The following DIP2C variants were observed in gnomAD, a reference collection of about 807,000 sequenced individuals.
DIP2C encodes DIP2 acetate--CoA ligase C (putative), also known as disco-interacting protein 2 homolog C.
A neutral mutation model predicts 192.4 loss-of-function variants in DIP2C; 33 were observed. The ratio of observed to expected loss-of-function variants is 0.17; its 90% CI spans 0.13 to 0.23. DIP2C has a LOEUF of 0.23. Among genes scored for constraint, DIP2C ranks in the 10% least tolerant of loss-of-function variants. The pLI is 1.00. For synonymous variants in DIP2C, 979 were observed against 864.1 expected, an observed-to-expected ratio of 1.13 and a Z score of -2.33; for missense variants, 1,537 against 2,110.1, an observed-to-expected ratio of 0.73 and a Z score of 5.32.
chr10:401,757 C>T (rs779398036), intron 9 of DIP2C, among the ~76,000 whole-genome samples: 454 of 75,030 alleles, frequency 6.1e-3, no homozygotes, highest in Middle Eastern at 0.052. Flanking sequence ...ACACGTGTGG[C>T]AGCATTAGCA....
At chr10:503,968 A>G (rs1331944954) in intron 1 of DIP2C, among the ~76,000 whole-genome samples, 1 of 152,234 alleles carries the variant, frequency 6.6e-6, no homozygotes, top group Non-Finnish European at 1.5e-5. Flanking sequence ...CTCAGAAATT[A>G]AATTCCAGAT....
intron 26 of DIP2C, among the ~76,000 whole-genome samples, chr10:347,431 A>C (rs1958540723): frequency 6.8e-6 from 1 of 147,614 alleles, no homozygotes; most frequent in African/African-American, 2.5e-5. Flanking sequence ...TTCTCCCGGA[A>C]ACGTCACACG....
At chr10:587,432 G>A (rs923751338) in intron 1 of DIP2C, among the ~76,000 whole-genome samples, 1 of 152,200 alleles carries the variant, frequency 6.6e-6, no homozygotes, top group Non-Finnish European at 1.5e-5. Flanking sequence ...CACGTGGGAG[G>A]CCACACTGCC....
chr10:305,199 C>T (rs1956256468), intron 32 of DIP2C, among the ~76,000 whole-genome samples: 1 of 152,066 alleles, frequency 6.6e-6, no homozygotes, highest in South Asian at 2.1e-4. Flanking sequence ...TACTTGTACC[C>T]ACATCACACT....
chr10:501,262 T>G (rs1845202554), intron 1 of DIP2C, among the ~76,000 whole-genome samples: 1 of 152,210 alleles, frequency 6.6e-6, no homozygotes, highest in Non-Finnish European at 1.5e-5. Flanking sequence ...CACTTTAGTT[T>G]GTGGAAACAT....
rs764859549 is a variant in DIP2C, at chr10:283,279, T to G, written c.4287A>C (p.Ala1429=). 4 of 1,613,816 alleles carry G rather than the reference T, an allele frequency of 2.5e-6. No homozygotes were observed. The East Asian group carries it at 8.9e-5, about 36-fold the overall frequency. The stretch of plus-strand genomic sequence containing the variant: ...GCCAGCCTGGACTCTCACCTCCATT[T>G]GCATCTGTGAGCTCAGTTCTCCGCA... ...GFLRRTELTD[A]NGERHDALYV... is the part of the protein sequence containing the mutation. Residue 1429 remains alanine, a synonymous_variant, in exon 35 of 37, where the codon GCA becomes GCC. Coordinates refer to ENST00000280886, the MANE Select transcript of DIP2C (RefSeq NM_014974.3).
chr10:315,841 CCACTG>C (rs995789979), intron 31 of DIP2C, among the ~76,000 whole-genome samples: 14 of 152,248 alleles, frequency 9.2e-5, no homozygotes, highest in African/African-American at 3.4e-4. Context: ...ACACTCTGTT[CCACTG>C]TATTTTCATG....
intron 1 of DIP2C, among the ~76,000 whole-genome samples, chr10:538,456 C>T (rs534262935): frequency 6.6e-6 from 1 of 152,292 alleles, no homozygotes; most frequent in East Asian, 1.9e-4. Context: ...GCCATTGTGC[C>T]CAGTCTCCTG....
At chr10:470,438 C>G (rs1970538209) in intron 3 of DIP2C, among the ~76,000 whole-genome samples, 1 of 152,196 alleles carries the variant, frequency 6.6e-6, no homozygotes, top group South Asian at 2.1e-4. Context: ...GTGCCTCTCT[C>G]TTCCACACCT....
chr10:655,531 C>T (rs948810631), intron 1 of DIP2C, among the ~76,000 whole-genome samples: 2 of 152,086 alleles, frequency 1.3e-5, no homozygotes, highest in African/African-American at 2.4e-5. Context: ...CTGTGCTATG[C>T]GACTCTGCTA....
intron 31 of DIP2C, among the ~76,000 whole-genome samples, chr10:314,699 C>T (rs1956702851): frequency 6.6e-6 from 1 of 152,220 alleles, no homozygotes; most frequent in Non-Finnish European, 1.5e-5. Context: ...TAGGTAACGG[C>T]TACTCACAGC....
intron 1 of DIP2C, among the ~76,000 whole-genome samples, chr10:659,062 T>C (rs374403424): frequency 2.6e-5 from 4 of 152,086 alleles, no homozygotes; most frequent in East Asian, 3.9e-4. Flanking sequence ...ATGTAACACA[T>C]ACATGCACAT....
chr10:483,882 T>C lies in DIP2C; in HGVS notation c.157+2577A>G, dbSNP rs1335482764. ...CCCAGGCTGGAACACAGTGCCACAA[T>C]CATAGCTCACTGCAGCCTTGACTTC... is the stretch of plus-strand genomic sequence containing the variant. On this transcript the variant is annotated intron_variant, in intron 2 of 36. Coordinates refer to ENST00000280886, the MANE Select transcript of DIP2C (RefSeq NM_014974.3). Among the ~76,000 whole-genome samples the C allele has an allele frequency of 2.6e-5, 4 of 152,072 alleles. No individual in the cohort carries two copies. The East Asian group carries it at 5.8e-4, about 22-fold the overall frequency.
Position 315,137 on chromosome 10 carries a change from T to C in DIP2C, c.3925-5045A>G, listed in dbSNP as rs78453745. Reference sequence around the variant, plus strand: ...TTATGTGCTATGAAAATGAAGATTCTTGCAGCAGTGCATTTCCGGGGCCCA... The same window carrying C: ...TTATGTGCTATGAAAATGAAGATTCCTGCAGCAGTGCATTTCCGGGGCCCA... On this transcript the variant is annotated intron_variant, in intron 31 of 36. Coordinates refer to ENST00000280886, the MANE Select transcript of DIP2C (RefSeq NM_014974.3). 1.7e-4 allele frequency among the ~76,000 whole-genome samples: 26 copies of C among 152,382 alleles called. No individual in the cohort carries two copies. The East Asian group carries it at 4.2e-3, about 25-fold the overall frequency.
At position 472,459 on chromosome 10, in the gene DIP2C, C is replaced by T; in HGVS notation, c.248G>A (p.Arg83Gln). The T allele has an allele frequency of 6.2e-7, 1 of 1,614,160 alleles. No individual in the cohort carries two copies. The highest frequency in any genetic ancestry group is 8.5e-7 in the Non-Finnish European group (1 of 1,180,018). Residue 83 changes from arginine to glutamine, a missense_variant, in exon 3 of 37, where the codon CGA becomes CAA. By Grantham distance (43) the Arg-to-Gln change is conservative (BLOSUM62 1). This residue lies in a region of DIP2C where 473 missense variants were observed against 539.6 expected (regional missense o/e 0.88). Transcript: ENST00000280886. ...RYHRRRSSGSRDERYRSDVHT... is the reference protein window; with the variant it reads ...RYHRRRSSGSQDERYRSDVHT... ...CTTACCTGACCGATAGCGCTCATCT[C>T]GTGACCCTGAAGACCGTCGGCGGTG...
chr10:573,520 T>TAGCTGGG (rs1466049260), intron 1 of DIP2C, among the ~76,000 whole-genome samples: 4 of 152,066 alleles, frequency 2.6e-5, no homozygotes, highest in Non-Finnish European at 4.4e-5. Context: ...GCGATTCTCT[T>TAGCTGGG]ACTTCAGCCT....
Position 277,121 on chromosome 10 carries a change from G to T in DIP2C, c.*204C>A. On this transcript the variant is annotated 3_prime_UTR_variant, in exon 37 of 37. Coordinates refer to ENST00000280886, the MANE Select transcript of DIP2C (RefSeq NM_014974.3). ...AGGCAGTAATCCAAAGTCCTTCTGA[G>T]CGAAATTCAGTGGTAAATTCACATT... is the stretch of plus-strand genomic sequence containing the variant. 1 of 662,634 alleles carries T rather than the reference G, an allele frequency of 1.5e-6. No individual in the cohort carries two copies. The highest frequency in any genetic ancestry group is 2.4e-6 in the Non-Finnish European group (1 of 425,368). 41.0% of individuals were successfully genotyped at this position (662,634 alleles called of 1,614,324 possible). A position where few individuals can be genotyped will look rare whatever the true frequency, so the allele number is the denominator to read the frequency against.
At chr10:468,691 C>T (rs755435925) in intron 3 of DIP2C, among the ~76,000 whole-genome samples, 3 of 152,138 alleles carry the variant, frequency 2.0e-5, no homozygotes, top group Admixed American at 6.5e-5. Context: ...ACCCACGAGG[C>T]AGAGTTTGTG....
rs562546297 is a variant in DIP2C, at chr10:276,276, G to C, written c.*1049C>G. On this transcript the variant is annotated 3_prime_UTR_variant, in exon 37 of 37. Coordinates refer to ENST00000280886, the MANE Select transcript of DIP2C (RefSeq NM_014974.3). ...CTTTGAATTCTTTTGCCATCCTTGA[G>C]ATGGCAATAATTTCACTTGCTGGTC... The C allele has an allele frequency of 2.6e-5, 4 of 152,718 alleles. No individual in the cohort carries two copies. Among genetic ancestry groups the C allele is most frequent in the African/African-American group, 9.6e-5 (4 of 41,558 alleles). The allele number at this position is 152,718 out of a possible 1,614,324, so 9.5% of individuals were successfully genotyped here.
Sources: allele counts gnomAD v4.1 joint callset (sites outside exome capture counted in the v4.1 genomes callset), GRCh38; gene constraint gnomAD v4.1.1; regional missense constraint gnomAD v4.1.1; transcripts MANE v1.5; gene names NCBI Gene and HGNC (gene_info 2026-07-23, HGNC 2026-07-21).